MAP3K1: variants seen among roughly 807,000 people sequenced by gnomAD.
MAP3K1 encodes the protein MAP/ERK kinase kinase 1.
Under a neutral mutation model 144.2 loss-of-function variants are expected in MAP3K1, and 36 were observed. The ratio of observed to expected loss-of-function variants is 0.25; its 90% CI spans 0.19 to 0.33. MAP3K1 has a LOEUF of 0.33. MAP3K1 is among the 10% of genes least tolerant of loss of function. The probability of loss-of-function intolerance (pLI) is 1.00; values close to 1 mark genes in which losing one functional copy is unlikely to be tolerated. For missense variants in MAP3K1, 1,650 were observed against 1,881.9 expected (o/e 0.88, Z 2.28); for synonymous variants, 718 against 688.7 (o/e 1.04, Z -0.67).
intron 2 of MAP3K1, among the ~76,000 whole-genome samples, chr5:56,858,152 AATCAATAT>A (rs1747395936): frequency 1.3e-5 from 2 of 152,228 alleles, no homozygotes; most frequent in Non-Finnish European, 2.9e-5. Context: ...ATTACTACTC[AATCAATAT>A]AAAGAACTTT....
chr5:56,865,984 A>G lies in MAP3K1; in HGVS notation c.1301+7A>G, dbSNP rs1747660310. 1 of 1,598,232 alleles carries G rather than the reference A, an allele frequency of 6.3e-7. No individual in the cohort carries two copies. The highest frequency in any genetic ancestry group is 1.1e-5 in the South Asian group (1 of 90,752). ...CGTCTAGTTCAGAAAACAGGTTAGT[A>G]CTTTTTAAGGATTTCAAACATTAAT... On this transcript the variant is annotated splice_region_variant and intron_variant, in intron 6 of 19. Coordinates refer to ENST00000399503, the MANE Select transcript of MAP3K1 (RefSeq NM_005921.2).
intron 10 of MAP3K1, among the ~76,000 whole-genome samples, chr5:56,876,269 C>T (rs1469470887): frequency 2.6e-5 from 4 of 151,976 alleles, no homozygotes; most frequent in Admixed American, 2.6e-4. Flanking sequence ...CACCCCCACC[C>T]GATCATGCCC....
chr5:56,875,982 A>G (rs1748014325), intron 10 of MAP3K1, among the ~76,000 whole-genome samples: 2 of 152,150 alleles, frequency 1.3e-5, no homozygotes, highest in Non-Finnish European at 2.9e-5. Flanking sequence ...CTTTTCAAAG[A>G]AAAGGGTTCC....
chr5:56,851,948 A>C (rs1433677848), intron 1 of MAP3K1: 2 of 152,182 alleles, frequency 1.3e-5, no homozygotes, highest in Admixed American at 6.5e-5. Context: ...CAGATACTTA[A>C]ACATATACTT....
intron 1 of MAP3K1, among the ~76,000 whole-genome samples, chr5:56,821,143 C>T (rs942553616): frequency 6.6e-6 from 1 of 152,050 alleles, no homozygotes; most frequent in African/African-American, 2.4e-5. Flanking sequence ...AAGAAGATAG[C>T]CTTGTCTTTA....
At chr5:56,861,070 C>T (rs754592820) in intron 3 of MAP3K1, among the ~76,000 whole-genome samples, 1 of 151,886 alleles carries the variant, frequency 6.6e-6, no homozygotes, top group Non-Finnish European at 1.5e-5. Context: ...GGAAGATCTG[C>T]GTAACTTAAG....
Position 56,865,289 on chromosome 5 carries a change from C to T in MAP3K1, c.1036-51C>T, listed in dbSNP as rs570371807. On this transcript the variant is annotated intron_variant, in intron 4 of 19. Transcript: ENST00000399503. ...TGTAAAAGTGATAAATTTAGAAGTT[C>T]TTGTGAACCACAGATGTATTAACCT... The T allele has an allele frequency of 2.0e-5, 21 of 1,035,024 alleles. 1 individual carries two copies. In the South Asian group the frequency reaches 2.8e-4, roughly 14 times the overall value. 64.1% of individuals were successfully genotyped at this position (1,035,024 alleles called of 1,614,324 possible). A position where few individuals can be genotyped will look rare whatever the true frequency, so the allele number is the denominator to read the frequency against.
At chr5:56,850,566 G>A (rs1426247840) in intron 1 of MAP3K1, among the ~76,000 whole-genome samples, 2 of 152,162 alleles carry the variant, frequency 1.3e-5, no homozygotes, top group African/African-American at 4.8e-5. Context: ...TATCAGCACA[G>A]GTGCTGACTT....
At chr5:56,889,681 G>A (rs1314029870) in intron 19 of MAP3K1, among the ~76,000 whole-genome samples, 1 of 152,012 alleles carries the variant, frequency 6.6e-6, no homozygotes, top group Admixed American at 6.6e-5. Flanking sequence ...CCCCTTAATG[G>A]CCATGTAATC....
intron 6 of MAP3K1, among the ~76,000 whole-genome samples, chr5:56,871,423 A>T (rs1053861620): frequency 1.3e-5 from 2 of 152,110 alleles, no homozygotes; most frequent in East Asian, 3.9e-4. Flanking sequence ...TTAAAATGTG[A>T]TGTGTTCCTA....
intron 10 of MAP3K1, among the ~76,000 whole-genome samples, chr5:56,876,965 G>A (rs545685284): frequency 3.9e-5 from 6 of 152,112 alleles, no homozygotes; most frequent in Non-Finnish European, 7.4e-5. Context: ...AAAGAATCCC[G>A]TATTCAGTTA....
chr5:56,865,062 G>C lies in MAP3K1; in HGVS notation c.1035+128G>C, dbSNP rs2111891786. Reference sequence around the variant, plus strand: ...TAGTAAACAAAGTTAAACTTAAAATGTATTTTAGGCTAATATTTTTCTTTA... The same window carrying C: ...TAGTAAACAAAGTTAAACTTAAAATCTATTTTAGGCTAATATTTTTCTTTA... On this transcript the variant is annotated intron_variant, in intron 4 of 19. Coordinates refer to ENST00000399503, the MANE Select transcript of MAP3K1 (RefSeq NM_005921.2). 7.6e-6 allele frequency: 7 copies of C among 921,506 alleles called. No individual in the cohort carries two copies. In the South Asian group the frequency reaches 1.1e-4, roughly 14 times the overall value. 57.1% of individuals were successfully genotyped at this position (921,506 alleles called of 1,614,324 possible). A position where few individuals can be genotyped will look rare whatever the true frequency, so the allele number is the denominator to read the frequency against.
chr5:56,880,987 A>G, intron 12 of MAP3K1, 96 bp from the exon 13 acceptor site: 1 of 1,134,208 alleles, frequency 8.8e-7, no homozygotes. Flanking sequence ...AATAGTTCAG[A>G]ATATTTTTGT....
rs1457991417 is a variant in MAP3K1 at position 56,885,944 on chromosome 5, C to T, written c.3995C>T (p.Ala1332Val). Residue 1332 changes from alanine to valine, a missense_variant, in exon 17 of 20, where the codon GCT (alanine) becomes GTT (valine). Coordinates refer to ENST00000399503, the MANE Select transcript of MAP3K1 (RefSeq NM_005921.2). The stretch of plus-strand genomic sequence containing the variant: ...TATTGTCTTATAGGGGGATCGGTGG[C>T]TCATTTGCTGAGTAAATATGGAGCC... Reference protein sequence around the residue: ...FIEWMAGGSVAHLLSKYGAFK... With the variant: ...FIEWMAGGSVVHLLSKYGAFK... 1 of 1,612,092 alleles carries T rather than the reference C, an allele frequency of 6.2e-7. No individual in the cohort carries two copies. Among genetic ancestry groups the T allele is most frequent in the Non-Finnish European group, 8.5e-7 (1 of 1,178,276 alleles).
Position 56,881,897 on chromosome 5 carries a change from C to T in MAP3K1, c.2697C>T (p.Asn899=), listed in dbSNP as rs1410770784. 3 of 1,614,088 alleles carry T rather than the reference C, an allele frequency of 1.9e-6. No individual in the cohort carries two copies. Among genetic ancestry groups the T allele is most frequent in the Non-Finnish European group, 2.5e-6 (3 of 1,180,016 alleles). The change falls in exon 14 of 20, where the codon AAC becomes AAT. Residue 899 remains asparagine, a synonymous_variant. Transcript: ENST00000399503. ...ACAACTATCTGGAAACCACAGAGAA[C>T]AGTTCCCCTGAGTGCACAGTCCATT... The part of the protein sequence containing the change: ...VPNNYLETTE[N]SSPECTVHLE...
chr5:56,870,243 G>A (rs79160732), intron 6 of MAP3K1, among the ~76,000 whole-genome samples: 3,045 of 152,284 alleles, frequency 0.02, 121 homozygotes, highest in African/African-American at 0.069. Flanking sequence ...TATAGATGTT[G>A]TAAGTTTATG....
At chr5:56,853,168 C>T (rs1458690996) in intron 1 of MAP3K1, among the ~76,000 whole-genome samples, 1 of 152,100 alleles carries the variant, frequency 6.6e-6, no homozygotes, top group Admixed American at 6.6e-5. Flanking sequence ...AAGGAAATAA[C>T]ACCTGCCAGT....
At chr5:56,876,586 G>T (rs941903039) in intron 10 of MAP3K1, among the ~76,000 whole-genome samples, 6 of 152,144 alleles carry the variant, frequency 3.9e-5, no homozygotes, top group Non-Finnish European at 8.8e-5. Context: ...AGTTGGACTA[G>T]CCTAGGCAAT....
chr5:56,870,584 A>T (rs565689544), intron 6 of MAP3K1, among the ~76,000 whole-genome samples: 2 of 152,258 alleles, frequency 1.3e-5, no homozygotes. Flanking sequence ...TCCCCCATCC[A>T]TGTTTCTCTC....
Sources: allele counts gnomAD v4.1 joint callset (sites outside exome capture counted in the v4.1 genomes callset), GRCh38; gene constraint gnomAD v4.1.1; transcripts MANE v1.5; gene names NCBI Gene and HGNC (gene_info 2026-07-23, HGNC 2026-07-21).